Variants in HSD17B12 observed in about 807,000 individuals in gnomAD.
The protein encoded by HSD17B12 is hydroxysteroid 17-beta dehydrogenase 12.
In HSD17B12, 32 loss-of-function variants were observed where a neutral mutation model predicts 39.3. The ratio of observed to expected loss-of-function variants is 0.81; its 90% confidence interval spans 0.61 to 1.09. The LOEUF (loss-of-function observed/expected upper bound fraction) is 1.09, where lower values mean the gene tolerates loss of function less well. HSD17B12 is among the 50% of genes least tolerant of loss of function. HSD17B12 has a pLI of 0.00. For missense variants in HSD17B12, 342 were observed against 382.9 expected (o/e 0.89, Z 0.89); for synonymous variants, 150 against 146.7 (o/e 1.02, Z -0.16).
At chr11:43,718,527 G>A (rs1950146767) in intron 1 of HSD17B12, 1 of 343,026 alleles carries the variant, frequency 2.9e-6, no homozygotes, top group Non-Finnish European at 5.4e-6. Context: ...GTGAGACAGG[G>A]GCAAGAAAAC....
chr11:43,660,793 A>T, the HSD17B12 span, among the ~76,000 whole-genome samples: 1 of 152,248 alleles, frequency 6.6e-6, no homozygotes, highest in Non-Finnish European at 1.5e-5. Context: ...CATCAGCTGA[A>T]GAGTGGCTAA....
At chr11:43,666,745 G>C in the HSD17B12 span, among the ~76,000 whole-genome samples, 3 of 152,208 alleles carry the variant, frequency 2.0e-5, no homozygotes, top group Non-Finnish European at 4.4e-5. Context: ...ACCCTGTATA[G>C]ATAATGTGAA....
At chr11:43,717,896 C>T (rs1477449237) in intron 1 of HSD17B12, among the ~76,000 whole-genome samples, 1 of 151,450 alleles carries the variant, frequency 6.6e-6, no homozygotes, top group African/African-American at 2.4e-5. Flanking sequence ...CCTCCACATC[C>T]TGGGTTTAAG....
the HSD17B12 span, among the ~76,000 whole-genome samples, chr11:43,669,555 C>T: frequency 3.3e-5 from 5 of 151,982 alleles, no homozygotes; most frequent in Admixed American, 2.0e-4. Flanking sequence ...GGCTAGAAGT[C>T]CAAAATCAAG....
At chr11:43,789,887 G>A (rs778472936) in intron 3 of HSD17B12, among the ~76,000 whole-genome samples, 72 of 152,040 alleles carry the variant, frequency 4.7e-4, no homozygotes, top group Non-Finnish European at 9.9e-4. Flanking sequence ...AGCCATGACC[G>A]CGCCACTGCA....
chr11:43,764,748 T>C (rs1950580945), intron 3 of HSD17B12, among the ~76,000 whole-genome samples: 1 of 152,186 alleles, frequency 6.6e-6, no homozygotes, highest in African/African-American at 2.4e-5. Flanking sequence ...TAGCTTTCTT[T>C]TGATTAGTGT....
At chr11:43,656,023 T>C in the HSD17B12 span, among the ~76,000 whole-genome samples, 40 of 152,202 alleles carry the variant, frequency 2.6e-4, no homozygotes, top group Non-Finnish European at 5.4e-4. Context: ...TGGCGGTGAA[T>C]CCATCTGGTC....
chr11:43,707,722 T>C (rs773870161), intron 1 of HSD17B12, among the ~76,000 whole-genome samples: 42 of 152,234 alleles, frequency 2.8e-4, no homozygotes, highest in Non-Finnish European at 1.3e-4. Flanking sequence ...ATATACATGA[T>C]GTTTAGGATA....
chr11:43,828,449 C>G (rs1417218431), intron 6 of HSD17B12, among the ~76,000 whole-genome samples: 1 of 152,120 alleles, frequency 6.6e-6, no homozygotes, highest in East Asian at 1.9e-4. Context: ...CCACTTTTGT[C>G]TACTTCTTAG....
At chr11:43,743,928 G>A (rs1342633882) in intron 1 of HSD17B12, among the ~76,000 whole-genome samples, 2 of 152,196 alleles carry the variant, frequency 1.3e-5, no homozygotes, top group African/African-American at 4.8e-5. Flanking sequence ...TCAGAGATTA[G>A]ATAATGGATC....
chr11:43,785,052 T>C (rs1016511083), intron 3 of HSD17B12, among the ~76,000 whole-genome samples: 2 of 152,036 alleles, frequency 1.3e-5, no homozygotes, highest in African/African-American at 2.4e-5. Context: ...CATGAGGAAA[T>C]GCTTAGGCTG....
chr11:43,803,125 T>C (rs561658710), intron 4 of HSD17B12, among the ~76,000 whole-genome samples: 1 of 152,224 alleles, frequency 6.6e-6, no homozygotes, highest in South Asian at 2.1e-4. Context: ...GATGGAACTA[T>C]TAAAATACTT....
chr11:43,816,890 G>A (rs148646795), intron 6 of HSD17B12, among the ~76,000 whole-genome samples: 10,807 of 151,618 alleles, frequency 0.071, 443 homozygotes, highest in East Asian at 0.11. Context: ...CCTGAGTTAC[G>A]TCACTTAGAA....
intron 1 of HSD17B12, among the ~76,000 whole-genome samples, chr11:43,725,845 G>A (rs572752369): frequency 1.7e-4 from 26 of 152,256 alleles, no homozygotes; most frequent in African/African-American, 5.1e-4. Flanking sequence ...GTGAGAGAAA[G>A]ACACAACAGA....
intron 1 of HSD17B12, among the ~76,000 whole-genome samples, chr11:43,705,761 C>CTTTTTTTTTT (rs56979348): frequency 1.6e-5 from 1 of 62,476 alleles, no homozygotes; most frequent in African/African-American, 6.9e-5. Context: ...CCTCTCTCCT[C>CTTTTTTTTTT]TTTTTTTTTT....
chr11:43,846,489 T>G (rs1391692528), intron 9 of HSD17B12, among the ~76,000 whole-genome samples: 2 of 151,986 alleles, frequency 1.3e-5, no homozygotes, highest in African/African-American at 4.8e-5. Context: ...CATGGCGAAA[T>G]CCCGTCTCTC....
intron 3 of HSD17B12, among the ~76,000 whole-genome samples, chr11:43,789,068 T>G (rs1289871647): frequency 6.6e-6 from 1 of 152,184 alleles, no homozygotes; most frequent in Non-Finnish European, 1.5e-5. Flanking sequence ...ATGCTGTTCG[T>G]TTTCTGCACT....
At chr11:43,719,283 A>G in intron 1 of HSD17B12, 1 of 469,314 alleles carries the variant, frequency 2.1e-6, no homozygotes, top group Non-Finnish European at 3.9e-6. Flanking sequence ...CTCTTGTTTT[A>G]CTTATGCTTT....
intron 9 of HSD17B12, among the ~76,000 whole-genome samples, chr11:43,847,571 G>A (rs2135141799): frequency 6.6e-6 from 1 of 152,060 alleles, no homozygotes; most frequent in East Asian, 1.9e-4. Flanking sequence ...GCTGGGCGTG[G>A]TGGTGCATGC....
Sources: allele counts gnomAD v4.1 joint callset (sites outside exome capture counted in the v4.1 genomes callset), GRCh38; gene constraint gnomAD v4.1.1; transcripts MANE v1.5; gene names NCBI Gene and HGNC (gene_info 2026-07-23, HGNC 2026-07-21).